APEX2: variants seen among roughly 807,000 people sequenced by gnomAD.
The protein encoded by APEX2 is apurinic/apyrimidinic endodeoxyribonuclease 2, also known as DNA-(apurinic or apyrimidinic site) endonuclease 2.
APEX2 carries 4 observed loss-of-function variants against 16.7 expected under a neutral mutation model. The ratio of observed to expected loss-of-function variants is 0.24; its 90% CI spans 0.12 to 0.55. APEX2 has a LOEUF of 0.55. APEX2 is among the 20% of genes least tolerant of loss of function. APEX2 has a pLI of 0.94. For synonymous variants in APEX2, 181 were observed against 166.9 expected, an observed-to-expected ratio of 1.08 and a Z score of -0.65; for missense variants, 357 against 433.6, an observed-to-expected ratio of 0.82 and a Z score of 1.57.
chrX:55,007,679 C>T lies in APEX2; in HGVS notation c.*244C>T. 2 of 320,493 alleles carry T rather than the reference C, an allele frequency of 6.2e-6. No individual in the cohort carries two copies. The allele number at this position is 320,493 out of a possible 1,213,427, so 26.4% of individuals were successfully genotyped here. The stretch of plus-strand genomic sequence containing the variant: ...CCTTCCTGTCCGAAGTACACGGACA[C>T]TAGCTGCCCCAGGAAGTTGTGTGAT... On this transcript the variant is annotated 3_prime_UTR_variant, in exon 6 of 6. Coordinates refer to ENST00000374987, the MANE Select transcript of APEX2 (RefSeq NM_014481.4).
chrX:55,009,045 AG>A lies in APEX2; in HGVS notation c.*1612del, dbSNP rs1182163440. ...ACTTGTCTGTTCCCTGTCCAATAAA[AG>A]GCTTCACATGCTGTGGTTTGTGCTT... On this transcript the variant is annotated 3_prime_UTR_variant, in exon 6 of 6. Transcript: ENST00000374987. 2.5e-5 allele frequency: 21 copies of A among 837,199 alleles called. No individual in the cohort carries two copies. The highest frequency in any genetic ancestry group is 3.4e-5 in the Non-Finnish European group (20 of 589,981). The allele number at this position is 837,199 out of a possible 1,213,427, so 69.0% of individuals were successfully genotyped here.
Position 55,006,997 on chromosome X carries a change from A to C in APEX2, c.1119A>C (p.Gln373His), listed in dbSNP as rs1252392426. Residue 373 changes from glutamine (Q) to histidine (H), a missense_variant, in exon 6 of 6, where the codon CAA (glutamine) becomes CAC (histidine). By Grantham distance (24) the Gln-to-His change is conservative. Coordinates refer to ENST00000374987, the MANE Select transcript of APEX2 (RefSeq NM_014481.4). The part of the protein sequence containing the change: ...TRVQTCQNKA[Q>H]VRSTRPQPSQ... ...TACAGACATGCCAAAACAAAGCCCA[A>C]GTGCGCTCAACCAGGCCTCAGCCCA... 2.5e-6 allele frequency: 3 copies of C among 1,211,912 alleles called. No homozygotes were observed. The highest frequency in any genetic ancestry group is 3.3e-6 in the Non-Finnish European group (3 of 895,524).
intron 4 of APEX2, among the ~76,000 whole-genome samples, 154 bp from the exon 5 acceptor site, chrX:55,003,645 G>C (rs1047702575): frequency 8.9e-6 from 1 of 112,131 alleles, no homozygotes; most frequent in African/African-American, 3.2e-5. Flanking sequence ...CAGCAAGTTT[G>C]TGGTAAGATT....
Position 55,000,509 on chromosome X carries a change from C to T in APEX2, c.87C>T (p.Ala29=), listed in dbSNP as rs1331914162. ...ATCAGGAACCCAGCAACTGTGCCGC[C>T]GTGGCCGTGGGGCGCATTTTGGACG... ...VANQEPSNCA[A]VAVGRILDEL... is the part of the protein sequence containing the mutation. The change falls in exon 1 of 6, where the codon GCC becomes GCT. Residue 29 remains alanine, a synonymous_variant. Transcript: ENST00000374987. 2.5e-6 allele frequency: 3 copies of T among 1,207,998 alleles called. No homozygotes were observed. Among genetic ancestry groups the T allele is most frequent in the Middle Eastern group, 4.6e-4 (2 of 4,363 alleles).
intron 3 of APEX2, 114 bp downstream of exon 3, chrX:55,002,545 G>A: frequency 1.1e-6 from 1 of 935,261 alleles, no homozygotes; most frequent in Non-Finnish European, 1.4e-6. Context: ...TCCCAAATTT[G>A]CCTTTCCTGG....
At position 55,000,420 on chromosome X, in the gene APEX2, A is replaced by G. The variant is rs752340406; in HGVS notation, c.-3A>G. ...GGGCTGGGAGGTGTTCCAGCCCTTT[A>G]AGATGTTGCGCGTGGTGAGCTGGAA... On this transcript the variant is annotated 5_prime_UTR_variant, in exon 1 of 6. Transcript: ENST00000374987. 1 of 1,182,698 alleles carries G rather than the reference A, an allele frequency of 8.5e-7. No individual in the cohort carries two copies. Among genetic ancestry groups the G allele is most frequent in the Non-Finnish European group, 1.1e-6 (1 of 880,196 alleles).
chrX:55,002,258 C>T lies in APEX2; in HGVS notation c.249C>T (p.Ala83=), dbSNP rs61752443. The T allele has an allele frequency of 0.01, 12,082 of 1,193,051 alleles. 63 individuals carry two copies. Among genetic ancestry groups the T allele is most frequent in the Non-Finnish European group, 0.013 (11,126 of 888,106 alleles). ...SRNRSGYSGV[A]TFCKDNATPV... ...TGCCCTGTCTGTTCCCAGGTGTAGC[C>T]ACCTTCTGTAAGGACAATGCTACCC... Residue 83 remains alanine (A), a synonymous_variant, in exon 3 of 6, where the codon GCC becomes GCT. Transcript: ENST00000374987.
In APEX2 at chrX:55,008,478, G is replaced by A. The variant is rs1447747120; in HGVS notation, c.*1043G>A. ...CCAAGCTACTTAGGAGGCTGAGACA[G>A]GAGAATAGCTTGTACCTGGGAGGCG... On this transcript the variant is annotated 3_prime_UTR_variant, in exon 6 of 6. Coordinates refer to ENST00000374987, the MANE Select transcript of APEX2 (RefSeq NM_014481.4). 9.0e-6 allele frequency: 1 copy of A among 110,822 alleles called. No homozygotes were observed. The highest frequency in any genetic ancestry group is 3.3e-5 in the African/African-American group (1 of 30,353). 9.1% of individuals were successfully genotyped at this position (110,822 alleles called of 1,213,427 possible). A position where few individuals can be genotyped will look rare whatever the true frequency, so the allele number is the denominator to read the frequency against.
Position 55,008,002 on chromosome X carries a change from G to A in APEX2, c.*567G>A, listed in dbSNP as rs939168400. 8.9e-6 allele frequency: 1 copy of A among 112,336 alleles called. No individual in the cohort carries two copies. Among genetic ancestry groups the A allele is most frequent in the African/African-American group, 3.2e-5 (1 of 30,798 alleles). The allele number at this position is 112,336 out of a possible 1,213,427, so 9.3% of individuals were successfully genotyped here. On this transcript the variant is annotated 3_prime_UTR_variant, in exon 6 of 6. Transcript: ENST00000374987. The stretch of plus-strand genomic sequence containing the variant: ...GGCTAAGGTGAAATCAGCAAGGAAG[G>A]TGGGCTGTGTAGCCTTAAACCAGAG...
At chrX:55,001,148 A>C (rs1602237525) in intron 1 of APEX2, among the ~76,000 whole-genome samples, 4 of 95,848 alleles carry the variant, frequency 4.2e-5, no homozygotes, top group Admixed American at 1.2e-4. Flanking sequence ...TTTTCCCTCC[A>C]CCCCCAGTTC....
intron 5 of APEX2, among the ~76,000 whole-genome samples, chrX:55,005,477 C>T: frequency 8.9e-6 from 1 of 112,151 alleles, no homozygotes; most frequent in East Asian, 2.8e-4. Context: ...CTGTAAATGG[C>T]ACCATCATCC....
Position 55,007,193 on chromosome X carries a change from C to T in APEX2, c.1315C>T (p.Gln439Ter). 2 of 1,212,069 alleles carry T rather than the reference C, an allele frequency of 1.7e-6. No homozygotes were observed. The highest frequency in any genetic ancestry group is 2.2e-6 in the Non-Finnish European group (2 of 895,607). ...EKAVAKVVKG[Q>*]AKTSEAKDEK... The stretch of plus-strand genomic sequence containing the variant: ...GGCAGTGGCCAAAGTGGTGAAGGGG[C>T]AGGCCAAGACTTCAGAAGCCAAAGA... The change falls in exon 6 of 6, where the codon CAG becomes TAG. Residue 439 changes from glutamine (Q) to a stop codon, truncating the protein, a stop_gained. Coordinates refer to ENST00000374987, the MANE Select transcript of APEX2 (RefSeq NM_014481.4). LOFTEE classifies it high-confidence loss of function.
At position 55,003,860 on chromosome X, in the gene APEX2, G is replaced by A; in HGVS notation, c.631G>A (p.Val211Ile). The A allele has an allele frequency of 2.5e-6, 3 of 1,211,345 alleles. No homozygotes were observed. The highest frequency in any genetic ancestry group is 3.4e-6 in the Non-Finnish European group (3 of 894,931). Reference protein sequence around the residue: ...AHRPIDHWDAVNLECFEEDPG... With the variant: ...AHRPIDHWDAINLECFEEDPG... ...CCGCCCCATTGACCACTGGGATGCA[G>A]TCAACCTGGTAAGGCTCCCTCTAGG... Residue 211 changes from valine to isoleucine, a missense_variant, in exon 5 of 6, where the codon GTC (valine) becomes ATC (isoleucine). Physicochemically the swap from Val to Ile is conservative, Grantham distance 29. Coordinates refer to ENST00000374987, the MANE Select transcript of APEX2 (RefSeq NM_014481.4).
At chrX:55,003,395 T>C (rs2146707205) in intron 4 of APEX2, among the ~76,000 whole-genome samples, 1 of 112,444 alleles carries the variant, frequency 8.9e-6, no homozygotes, top group African/African-American at 3.2e-5. Flanking sequence ...CCCTACACAA[T>C]AGTTTTAAGG....
Position 55,007,061 on chromosome X carries a change from A to G in APEX2, c.1183A>G (p.Ser395Gly), listed in dbSNP as rs1935510383. 6.6e-6 allele frequency: 8 copies of G among 1,211,131 alleles called. No homozygotes were observed. The highest frequency in any genetic ancestry group is 8.9e-6 in the Non-Finnish European group (8 of 895,263). Residue 395 changes from serine (S) to glycine (G), a missense_variant, in exon 6 of 6, where the codon AGC becomes GGC. Physicochemically the swap from Ser to Gly is moderately conservative, Grantham distance 56. Coordinates refer to ENST00000374987, the MANE Select transcript of APEX2 (RefSeq NM_014481.4). ...GSSRGQKNLK[S>G]YFQPSPSCPQ... Reference sequence around the variant, plus strand: ...TAGCAGAGGCCAGAAAAACCTGAAGAGCTACTTTCAGCCCTCCCCTAGCTG... The same window carrying G: ...TAGCAGAGGCCAGAAAAACCTGAAGGGCTACTTTCAGCCCTCCCCTAGCTG...
chrX:55,007,188 A>T lies in APEX2; in HGVS notation c.1310A>T (p.Lys437Met), dbSNP rs202081643. ...GAGAAGGCAGTGGCCAAAGTGGTGA[A>T]GGGGCAGGCCAAGACTTCAGAAGCC... is the stretch of plus-strand genomic sequence containing the variant. ...PEEKAVAKVV[K>M]GQAKTSEAKD... The change falls in exon 6 of 6, where the codon AAG (lysine) becomes ATG (methionine). Residue 437 changes from lysine to methionine, a missense_variant. Coordinates refer to ENST00000374987, the MANE Select transcript of APEX2 (RefSeq NM_014481.4). The T allele has an allele frequency of 1.0e-4, 123 of 1,210,670 alleles. No homozygotes were observed. The Admixed American group carries it at 1.5e-3, about 15-fold the overall frequency.
At position 55,008,389 on chromosome X, in the gene APEX2, G is replaced by A. The variant is rs1935536971; in HGVS notation, c.*954G>A. 9.0e-6 allele frequency: 1 copy of A among 111,141 alleles called. No homozygotes were observed. Among genetic ancestry groups the A allele is most frequent in the Non-Finnish European group, 1.9e-5 (1 of 52,999 alleles). The allele number at this position is 111,141 out of a possible 1,213,427, so 9.2% of individuals were successfully genotyped here. ...CAGGAGTTCGCAACCAGCCTAACAT[G>A]GTGAGACCCCGTCTCTACTAAATAC... is the stretch of plus-strand genomic sequence containing the variant. On this transcript the variant is annotated 3_prime_UTR_variant, in exon 6 of 6. Transcript: ENST00000374987.
In APEX2 at chrX:55,000,475, G is replaced by A; in HGVS notation, c.53G>A (p.Gly18Glu). The A allele has an allele frequency of 8.3e-7, 1 of 1,205,983 alleles. No homozygotes were observed. Among genetic ancestry groups the A allele is most frequent in the African/African-American group, 1.7e-5 (1 of 57,744 alleles). ...AATGGGATTCGGAGACCCCTGCAAG[G>A]GGTGGCAAATCAGGAACCCAGCAAC... ...NINGIRRPLQGVANQEPSNCA... is the reference protein window; with the variant it reads ...NINGIRRPLQEVANQEPSNCA... The change falls in exon 1 of 6, where the codon GGG (glycine) becomes GAG (glutamate). Residue 18 changes from glycine to glutamate, a missense_variant. By Grantham distance (98) the Gly-to-Glu change is moderately conservative. Coordinates refer to ENST00000374987, the MANE Select transcript of APEX2 (RefSeq NM_014481.4).
chrX:55,005,824 C>T (rs1935491783), intron 5 of APEX2, among the ~76,000 whole-genome samples: 1 of 110,715 alleles, frequency 9.0e-6, no homozygotes, highest in Non-Finnish European at 1.9e-5. Flanking sequence ...TTACTCAGCC[C>T]CCACACCTCA....
Sources: gnomAD v4.1 joint callset for allele counts (sites outside exome capture counted in the v4.1 genomes callset) on GRCh38, gnomAD v4.1.1 for gene constraint, MANE v1.5 for transcripts, NCBI Gene and HGNC (gene_info 2026-07-23, HGNC 2026-07-21) for gene names.